TRPM3: variants seen among roughly 807,000 people sequenced by gnomAD.
TRPM3 encodes the protein long transient receptor potential channel 3.
A neutral mutation model predicts 181.2 loss-of-function variants in TRPM3; 77 were observed. The observed-to-expected ratio is 0.42, with a 90% CI of 0.35 to 0.51. The LOEUF (loss-of-function observed/expected upper bound fraction) is 0.51, where lower values mean the gene tolerates loss of function less well. Among genes scored for constraint, TRPM3 ranks in the 20% least tolerant of loss-of-function variants. The probability of loss-of-function intolerance (pLI) is 0.01; values close to 1 mark genes in which losing one functional copy is unlikely to be tolerated. For missense variants in TRPM3, 1,759 were observed against 2,196.7 expected, an observed-to-expected ratio of 0.80 and a Z score of 3.98; for synonymous variants, 745 against 796.4, an observed-to-expected ratio of 0.94 and a Z score of 1.09.
upstream of TRPM3, among the ~76,000 whole-genome samples, chr9:71,121,911 T>A (rs182912792): frequency 2.5e-3 from 375 of 152,298 alleles, 2 homozygotes; most frequent in Non-Finnish European, 4.1e-3. Flanking sequence ...GAGGCTATCA[T>A]CAAATACATC....
At chr9:71,338,114 C>G (rs1214714900) in intron 1 of TRPM3, among the ~76,000 whole-genome samples, 1 of 150,020 alleles carries the variant, frequency 6.7e-6, no homozygotes, top group East Asian at 2.0e-4. Flanking sequence ...GAGCTTACCA[C>G]AAACTTTGGC....
At chr9:70,618,796 AT>A in intron 17 of TRPM3, 70 bp downstream of exon 17, 2 of 1,363,164 alleles carry the variant, frequency 1.5e-6, no homozygotes, top group South Asian at 1.2e-5. Context: ...TCCATGGCAG[AT>A]TTTGGCTGGG....
chr9:70,832,658 C>T (rs886361312), intron 5 of TRPM3, among the ~76,000 whole-genome samples: 7 of 152,152 alleles, frequency 4.6e-5, no homozygotes, highest in Non-Finnish European at 7.3e-5. Context: ...TATGACACAA[C>T]CTTCAGTCAT....
intron 1 of TRPM3, among the ~76,000 whole-genome samples, chr9:70,959,816 G>A (rs1041911882): frequency 2.0e-5 from 3 of 152,036 alleles, no homozygotes; most frequent in East Asian, 3.9e-4. Context: ...GAACATCAAC[G>A]TTATAATTTT....
intron 1 of TRPM3, among the ~76,000 whole-genome samples, chr9:71,221,948 A>T (rs1038480499): frequency 1.3e-5 from 2 of 152,216 alleles, no homozygotes; most frequent in Non-Finnish European, 2.9e-5. Context: ...TTAATAAGAT[A>T]AATATCAATT....
intron 1 of TRPM3, among the ~76,000 whole-genome samples, chr9:71,007,063 A>AAAAAAAAAAAAAC (rs2097685921): frequency 8.3e-6 from 1 of 120,598 alleles, no homozygotes; most frequent in African/African-American, 3.2e-5. Context: ...AAAAAAAAAA[A>AAAAAAAAAAAAAC]GAAAGAAAAA....
chr9:71,079,989 G>C (rs2064009590), intron 1 of TRPM3, among the ~76,000 whole-genome samples: 1 of 151,990 alleles, frequency 6.6e-6, no homozygotes, highest in South Asian at 2.1e-4. Flanking sequence ...TGACCAACAT[G>C]GAGAAACCCC....
Position 70,620,129 on chromosome 9 carries a change from G to T in TRPM3, c.2076C>A (p.Ala692=). The T allele has an allele frequency of 6.2e-7, 1 of 1,613,542 alleles. No homozygotes were observed. Among genetic ancestry groups the T allele is most frequent in the Non-Finnish European group, 8.5e-7 (1 of 1,179,486 alleles). The change falls in exon 16 of 26, where the codon GCC becomes GCA. Residue 692 remains alanine (A), a synonymous_variant. Transcript: ENST00000677713. The part of the protein sequence containing the change: ...CKLCKAMAHE[A]SENDMVDDIS... ...TGTCGTCAACCATGTCGTTCTCAGA[G>T]GCCTCATGAGCCATGGCTTTGCAGA... is the stretch of plus-strand genomic sequence containing the variant.
intron 1 of TRPM3, among the ~76,000 whole-genome samples, chr9:71,420,995 G>GAAAAAGAGAGAGAAAAAGAGAGAA (rs1563912642): frequency 1.0e-5 from 1 of 96,472 alleles, no homozygotes; most frequent in African/African-American, 3.4e-5. Flanking sequence ...AAAAGAGAGA[G>GAAAAAGAGAGAGAAAAAGAGAGAA]AAAAAGAGAG....
intron 1 of TRPM3, among the ~76,000 whole-genome samples, chr9:70,875,188 A>G (rs1002008342): frequency 1.3e-5 from 2 of 151,970 alleles, no homozygotes. Context: ...TGATTTGCTT[A>G]CAACTAGACA....
intron 1 of TRPM3, among the ~76,000 whole-genome samples, chr9:71,224,370 A>G (rs889832777): frequency 1.3e-5 from 2 of 152,254 alleles, no homozygotes; most frequent in African/African-American, 4.8e-5. Context: ...ATATAGCTAA[A>G]GTGACCACTG....
At chr9:71,151,875 A>G (rs141145915) in intron 1 of TRPM3, among the ~76,000 whole-genome samples, 2 of 152,204 alleles carry the variant, frequency 1.3e-5, no homozygotes, top group African/African-American at 4.8e-5. Flanking sequence ...ATTTTGCCAA[A>G]AACATTCGCT....
intron 1 of TRPM3, among the ~76,000 whole-genome samples, chr9:71,231,360 G>C (rs2081038562): frequency 6.6e-6 from 1 of 152,148 alleles, no homozygotes; most frequent in East Asian, 1.9e-4. Context: ...AGGGAGACTG[G>C]AGGATGCTAC....
At chr9:71,372,451 A>C (rs1423737337) in intron 1 of TRPM3, among the ~76,000 whole-genome samples, 1 of 152,120 alleles carries the variant, frequency 6.6e-6, no homozygotes, top group Non-Finnish European at 1.5e-5. Context: ...TCCCACCAAC[A>C]GTGTAAAGGC....
chr9:70,905,073 G>A (rs545044467), intron 1 of TRPM3, among the ~76,000 whole-genome samples: 5 of 152,154 alleles, frequency 3.3e-5, no homozygotes, highest in Admixed American at 2.0e-4. Context: ...GTAACAATTA[G>A]ATATGACTCC....
At chr9:71,293,739 T>C (rs532133430) in intron 1 of TRPM3, among the ~76,000 whole-genome samples, 9 of 152,096 alleles carry the variant, frequency 5.9e-5, no homozygotes, top group African/African-American at 2.2e-4. Flanking sequence ...TATTTTCATG[T>C]AGGAGTAAAG....
intron 1 of TRPM3, among the ~76,000 whole-genome samples, chr9:71,112,360 T>C (rs575115524): frequency 6.6e-6 from 1 of 152,346 alleles, no homozygotes; most frequent in Non-Finnish European, 1.5e-5. Flanking sequence ...TATCTGGTGC[T>C]ACCTACAAAG....
intron 1 of TRPM3, among the ~76,000 whole-genome samples, chr9:71,367,930 T>G (rs2092388018): frequency 7.0e-6 from 1 of 143,192 alleles, no homozygotes; most frequent in African/African-American, 2.6e-5. Context: ...TGTCTTAGTA[T>G]CTTCCTAAGC....
At chr9:71,182,224 C>T (rs538581579) in intron 1 of TRPM3, among the ~76,000 whole-genome samples, 18 of 152,154 alleles carry the variant, frequency 1.2e-4, no homozygotes, top group Middle Eastern at 6.8e-3. Context: ...GAAGTCATAG[C>T]ATACAATAGG....
Sources: allele counts gnomAD v4.1 joint callset (sites outside exome capture counted in the v4.1 genomes callset), GRCh38; gene constraint gnomAD v4.1.1; transcripts MANE v1.5; gene names NCBI Gene and HGNC (gene_info 2026-07-23, HGNC 2026-07-21).